RBFOX1: variants seen among roughly 807,000 people sequenced by gnomAD.
RBFOX1 encodes RNA binding protein fox-1 homolog 1.
RBFOX1 carries 8 observed loss-of-function variants against 57.7 expected under a neutral mutation model. The observed-to-expected ratio is 0.14, with a 90% CI of 0.08 to 0.25. The LOEUF (loss-of-function observed/expected upper bound fraction) is 0.25, where lower values mean the gene tolerates loss of function less well. Among genes scored for constraint, RBFOX1 ranks in the 10% least tolerant of loss-of-function variants. RBFOX1 has a pLI of 1.00. For missense variants in RBFOX1, 611 were observed against 548.5 expected (o/e 1.11, Z -1.14); for synonymous variants, 326 against 222.4 (o/e 1.47, Z -4.15).
rs184460704 is a variant in RBFOX1, at chr16:5,361,387, A to G, written c.220-105829A>G. Among the ~76,000 whole-genome samples the G allele has an allele frequency of 9.3e-4, 142 of 152,308 alleles. 2 individuals carry two copies. The highest frequency in any genetic ancestry group is 3.4e-3 in the Middle Eastern group (1 of 294). On this transcript the variant is annotated intron_variant, in intron 1 of 2. Coordinates refer to the RBFOX1 transcript ENST00000585867. ...AGGTTATAAGAAGTGCTAAAACAGCACCGGAGATATCACTAGAAGGATAAA... is the reference window on the plus strand; with the variant it reads ...AGGTTATAAGAAGTGCTAAAACAGCGCCGGAGATATCACTAGAAGGATAAA...
chr16:7,579,686 CT>C, intron 5 of RBFOX1, 90 bp from the exon 6 acceptor site: 3 of 1,513,430 alleles, frequency 2.0e-6, no homozygotes, highest in Non-Finnish European at 2.7e-6. Flanking sequence ...TAGTTCTGAT[CT>C]TTTCCTGCCA....
intron 4 of RBFOX1, among the ~76,000 whole-genome samples, chr16:7,404,921 G>C (rs1231693584): frequency 6.6e-6 from 1 of 152,172 alleles, no homozygotes; most frequent in African/African-American, 2.4e-5. Context: ...CCAGTGAGTA[G>C]ATATGTGGGC....
chr16:7,545,821 T>A (rs1567759897), intron 5 of RBFOX1, among the ~76,000 whole-genome samples: 1 of 151,960 alleles, frequency 6.6e-6, no homozygotes, highest in Non-Finnish European at 1.5e-5. Flanking sequence ...TGAATAACCA[T>A]CATCAAGTCA....
intron 14 of RBFOX1, among the ~76,000 whole-genome samples, chr16:7,684,439 G>T (rs2075610623): frequency 6.6e-6 from 1 of 152,034 alleles, no homozygotes; most frequent in Non-Finnish European, 1.5e-5. Context: ...GATACATTAT[G>T]ATGTGTGACT....
chr16:7,254,101 A>G (rs1018716209), intron 4 of RBFOX1, among the ~76,000 whole-genome samples: 1 of 152,040 alleles, frequency 6.6e-6, no homozygotes, highest in Non-Finnish European at 1.5e-5. Context: ...CTTTACTTCC[A>G]CCTGTTATTT....
At chr16:7,114,145 G>C (rs748469591) in intron 4 of RBFOX1, among the ~76,000 whole-genome samples, 5 of 152,180 alleles carry the variant, frequency 3.3e-5, no homozygotes, top group African/African-American at 1.2e-4. Context: ...TTAACTTTCA[G>C]TTGTACTTAA....
chr16:5,588,255 G>A (rs1052689473), intron 2 of RBFOX1, among the ~76,000 whole-genome samples: 2 of 152,118 alleles, frequency 1.3e-5, no homozygotes, highest in Admixed American at 1.3e-4. Flanking sequence ...TCATGGTGAT[G>A]AAAACGTTGT....
At chr16:6,616,461 G>C (rs1272946717) in intron 2 of RBFOX1, among the ~76,000 whole-genome samples, 2 of 152,000 alleles carry the variant, frequency 1.3e-5, no homozygotes, top group East Asian at 1.9e-4. Flanking sequence ...TGGATCACGA[G>C]GTCAGGAGAT....
intron 3 of RBFOX1, among the ~76,000 whole-genome samples, chr16:6,911,404 A>C (rs1443591320): frequency 6.6e-6 from 1 of 152,140 alleles, no homozygotes; most frequent in Admixed American, 6.5e-5. Flanking sequence ...AATCTGTTCC[A>C]TGCCCCTCCC....
At chr16:6,980,121 C>T (rs555953563) in intron 3 of RBFOX1, among the ~76,000 whole-genome samples, 83 of 152,248 alleles carry the variant, frequency 5.5e-4, no homozygotes, top group Non-Finnish European at 8.8e-4. Flanking sequence ...ACAGGCTGGA[C>T]GTATGTCACC....
intron 3 of RBFOX1, among the ~76,000 whole-genome samples, chr16:5,860,580 G>T (rs1229064986): frequency 6.6e-6 from 1 of 152,168 alleles, no homozygotes; most frequent in Non-Finnish European, 1.5e-5. Context: ...TGGATCATTA[G>T]GACGCAAAGT....
intron 2 of RBFOX1, among the ~76,000 whole-genome samples, chr16:6,346,397 G>A (rs2085369460): frequency 6.6e-6 from 1 of 152,196 alleles, no homozygotes; most frequent in Non-Finnish European, 1.5e-5. Context: ...AGCCTAACTT[G>A]GGAATGTGAG....
chr16:5,788,420 G>T (rs558297503), intron 3 of RBFOX1, among the ~76,000 whole-genome samples: 32 of 152,308 alleles, frequency 2.1e-4, no homozygotes, highest in African/African-American at 7.7e-4. Flanking sequence ...CCTGATCTCA[G>T]GAGTTTGAGA....
intron 1 of RBFOX1, among the ~76,000 whole-genome samples, chr16:6,150,327 A>C (rs12928512): frequency 0.24 from 36,086 of 151,996 alleles, 4,432 homozygotes; most frequent in Non-Finnish European, 0.25. Context: ...ATCATTGATT[A>C]ACACTTAAAG....
chr16:6,118,783 CTCTTTCTCTCTCTCCT>C (rs1567499347), intron 1 of RBFOX1, among the ~76,000 whole-genome samples: 1 of 147,608 alleles, frequency 6.8e-6, no homozygotes, highest in African/African-American at 2.6e-5. Context: ...CTTTCTCCCT[CTCTTTCTCTCTCTCCT>C]TCCTTCCTTC....
Position 6,278,621 on chromosome 16 carries a change from C to G in RBFOX1, c.-126-38374C>G, listed in dbSNP as rs112499578. ...TATCGTGGGTCTCTACAAAGATTTC[C>G]TTTTCCTTCTATTTTTAGGTTGTTA... On this transcript the variant is annotated intron_variant, in intron 1 of 15. Transcript: ENST00000550418. 2.1e-3 allele frequency among the ~76,000 whole-genome samples: 325 copies of G among 151,770 alleles called. 3 individuals are homozygous for G. Among genetic ancestry groups the G allele is most frequent in the African/African-American group, 7.4e-3 (305 of 41,370 alleles).
intron 3 of RBFOX1, among the ~76,000 whole-genome samples, chr16:6,987,010 T>A (rs1388739297): frequency 6.6e-6 from 1 of 152,138 alleles, no homozygotes; most frequent in Admixed American, 6.5e-5. Context: ...GGTTAGTCCA[T>A]TCTGAGTGGA....
At chr16:6,145,553 G>A (rs949951038) in intron 1 of RBFOX1, among the ~76,000 whole-genome samples, 1 of 152,130 alleles carries the variant, frequency 6.6e-6, no homozygotes, top group Non-Finnish European at 1.5e-5. Flanking sequence ...TATATACCCA[G>A]TAATGGGATT....
At chr16:5,519,838 G>A (rs1159895031) in intron 2 of RBFOX1, among the ~76,000 whole-genome samples, 1 of 152,108 alleles carries the variant, frequency 6.6e-6, no homozygotes, top group Non-Finnish European at 1.5e-5. Context: ...TTATCTAGAG[G>A]CTCATCTTTC....
Sources: gnomAD v4.1 joint callset for allele counts (sites outside exome capture counted in the v4.1 genomes callset) on GRCh38, gnomAD v4.1.1 for gene constraint, MANE v1.5 for transcripts, NCBI Gene and HGNC (gene_info 2026-07-23, HGNC 2026-07-21) for gene names.